The following TMEM239 variants were observed in gnomAD, a reference collection of about 807,000 sequenced individuals.
TMEM239 encodes the protein transmembrane protein 239.
Under a neutral mutation model 14.6 loss-of-function variants are expected in TMEM239, and 10 were observed. The observed-to-expected ratio is 0.68, with a 90% CI of 0.42 to 1.16. The LOEUF (loss-of-function observed/expected upper bound fraction) is 1.16, where lower values mean the gene tolerates loss of function less well. Ranked by LOEUF, TMEM239 falls within the 50% of genes most tolerant of loss-of-function variation. TMEM239 has a pLI of 0.00. For missense variants in TMEM239, 183 were observed against 194.4 expected (o/e 0.94, Z 0.35); for synonymous variants, 94 against 89.9 (o/e 1.05, Z -0.26).
At position 2,816,594 on chromosome 20, in the gene TMEM239, G is replaced by A. The variant is rs2088675210; in HGVS notation, c.40G>A (p.Ala14Thr). Reference sequence around the variant, plus strand: ...GCGAGTGGAGACAGATACCATCGGGGCTGGCGAGGGGCCACAGCAGGCAGT... The same window carrying A: ...GCGAGTGGAGACAGATACCATCGGGACTGGCGAGGGGCCACAGCAGGCAGT... Reference protein sequence around the residue: ...QPRVETDTIGAGEGPQQAVPW... With the variant: ...QPRVETDTIGTGEGPQQAVPW... Residue 14 changes from alanine to threonine, a missense_variant, in exon 2 of 2, where the codon GCT becomes ACT. By Grantham distance (58) the Ala-to-Thr change is moderately conservative. Transcript: ENST00000380585. The A allele has an allele frequency of 6.5e-7, 1 of 1,537,098 alleles. No individual in the cohort carries two copies. The highest frequency in any genetic ancestry group is 8.7e-7 in the Non-Finnish European group (1 of 1,146,804).
upstream of TMEM239, chr20:2,816,351 G>A: frequency 6.5e-7 from 1 of 1,535,940 alleles, no homozygotes; most frequent in Non-Finnish European, 8.7e-7. Context: ...GTGGGGACTT[G>A]GATCTGCCTG....
upstream of TMEM239, chr20:2,816,259 A>G: frequency 2.2e-6 from 3 of 1,359,728 alleles, no homozygotes; most frequent in Non-Finnish European, 3.0e-6. Flanking sequence ...CTCACACCCT[A>G]CAGTGACTCC....
At chr20:2,816,464 C>T in intron 1 of TMEM239, 49 bp downstream of exon 1, 1 of 1,530,418 alleles carries the variant, frequency 6.5e-7, no homozygotes, top group Non-Finnish European at 8.7e-7. Flanking sequence ...CACACTGGTG[C>T]CCTCCTGACC....
In TMEM239 at chr20:2,817,810, GT is replaced by G. The variant is rs1184627082; in HGVS notation, c.*798del. The G allele has an allele frequency of 6.6e-6, 1 of 152,236 alleles. No homozygotes were observed. The highest frequency in any genetic ancestry group is 2.4e-5 in the African/African-American group (1 of 41,458). 9.4% of individuals were successfully genotyped at this position (152,236 alleles called of 1,614,324 possible). A position where few individuals can be genotyped will look rare whatever the true frequency, so the allele number is the denominator to read the frequency against. On this transcript the variant is annotated 3_prime_UTR_variant, in exon 2 of 2. Transcript: ENST00000380585. ...CACTTCTGTCATGGGGTTGTTGTGA[GT>G]CAAAGACAATATCTATTTGTGAAGC...
At chr20:2,816,494 C>CT in intron 1 of TMEM239, 50 bp from the exon 2 acceptor site, 1 of 1,229,454 alleles carries the variant, frequency 8.1e-7, no homozygotes, top group South Asian at 1.5e-5. Context: ...CCTCTCTGCC[C>CT]CCCCCCCCCA....
At position 2,816,953 on chromosome 20, in the gene TMEM239, C is replaced by G; in HGVS notation, c.399C>G (p.Ser133Arg). 2 of 1,538,406 alleles carry G rather than the reference C, an allele frequency of 1.3e-6. No individual in the cohort carries two copies. The highest frequency in any genetic ancestry group is 1.7e-6 in the Non-Finnish European group (2 of 1,147,054). ...SFLLLFSTLL[S>R]LVGLLTSMTH... ...TGCTGCTCTTCTCCACACTGCTGAG[C>G]CTTGTGGGCCTCCTCACCTCCATGA... is the stretch of plus-strand genomic sequence containing the variant. Residue 133 changes from serine (S) to arginine (R), a missense_variant, in exon 2 of 2, where the codon AGC (serine) becomes AGG (arginine). Coordinates refer to ENST00000380585, the MANE Select transcript of TMEM239 (RefSeq NM_001167670.3).
chr20:2,819,467 C>T (rs897278708), downstream of TMEM239: 1 of 152,274 alleles, frequency 6.6e-6, no homozygotes, highest in Non-Finnish European at 1.5e-5. Flanking sequence ...TCCATAAGGG[C>T]CTTGCCCCTC....
chr20:2,815,953 G>A (rs992594707), upstream of TMEM239: 2 of 646,368 alleles, frequency 3.1e-6, no homozygotes, highest in Admixed American at 5.7e-5. Flanking sequence ...TGGGCAGCAA[G>A]AGAAGGTAGG....
chr20:2,816,205 C>G, upstream of TMEM239: 1 of 747,330 alleles, frequency 1.3e-6, no homozygotes, highest in Admixed American at 2.7e-5. Flanking sequence ...CTCCGAGGCT[C>G]CCCTGCCAGC....
In TMEM239 at chr20:2,817,190, G is replaced by A. The variant is rs6115685; in HGVS notation, c.*177G>A. 2.3e-5 allele frequency: 18 copies of A among 789,880 alleles called. No individual in the cohort carries two copies. The highest frequency in any genetic ancestry group is 3.3e-5 in the Non-Finnish European group (17 of 508,640). The allele number at this position is 789,880 out of a possible 1,614,324, so 48.9% of individuals were successfully genotyped here. On this transcript the variant is annotated 3_prime_UTR_variant, in exon 2 of 2. Coordinates refer to ENST00000380585, the MANE Select transcript of TMEM239 (RefSeq NM_001167670.3). ...ACTCCTTCCTCAAGTCAATGCTGCAGGTTCCTGGTGTGAGGGGCTGGGGGC... is the reference window on the plus strand; with the variant it reads ...ACTCCTTCCTCAAGTCAATGCTGCAAGTTCCTGGTGTGAGGGGCTGGGGGC...
In TMEM239 at chr20:2,817,791, T is replaced by C. The variant is rs958529874; in HGVS notation, c.*778T>C. 1 of 152,330 alleles carries C rather than the reference T, an allele frequency of 6.6e-6. No individual in the cohort carries two copies. Among genetic ancestry groups the C allele is most frequent in the Non-Finnish European group, 1.5e-5 (1 of 68,108 alleles). The allele number at this position is 152,330 out of a possible 1,614,324, so 9.4% of individuals were successfully genotyped here. A position where few individuals can be genotyped will look rare whatever the true frequency, so the allele number is the denominator to read the frequency against. ...GCCTCAATGTTACGTGGGCCACTTC[T>C]GTCATGGGGTTGTTGTGAGTCAAAG... On this transcript the variant is annotated 3_prime_UTR_variant, in exon 2 of 2. Transcript: ENST00000380585.
chr20:2,819,320 T>C (rs576659989), downstream of TMEM239: 5 of 152,366 alleles, frequency 3.3e-5, no homozygotes, highest in Admixed American at 3.3e-4. Context: ...CCACAGACTA[T>C]ATACCTTTTA....
At chr20:2,815,976 G>A, upstream of TMEM239, 1 of 619,206 alleles carries the variant, frequency 1.6e-6, no homozygotes, top group Non-Finnish European at 2.8e-6. Context: ...ACTAGCCAGG[G>A]AGCCCAAGGA....
chr20:2,819,127 G>A (rs1384506950), downstream of TMEM239: 1 of 152,408 alleles, frequency 6.6e-6, no homozygotes, highest in African/African-American at 2.4e-5. Flanking sequence ...CATGTGGTGA[G>A]GGCAGAGACC....
Position 2,816,374 on chromosome 20 carries a change from G to T in TMEM239, c.-53G>T. 1.3e-6 allele frequency: 2 copies of T among 1,535,940 alleles called. No homozygotes were observed. The highest frequency in any genetic ancestry group is 1.4e-5 in the African/African-American group (1 of 73,090). On this transcript the variant is annotated 5_prime_UTR_variant, in exon 1 of 2. Coordinates refer to ENST00000380585, the MANE Select transcript of TMEM239 (RefSeq NM_001167670.3). ...TTGGATCTGCCTGCCAGGCCGTCCT[G>T]GGCGCTGCAGGAAGCAACATGACTT... is the stretch of plus-strand genomic sequence containing the variant.
chr20:2,815,840 C>CTT (rs2088662870), upstream of TMEM239: 1 of 1,331,352 alleles, frequency 7.5e-7, no homozygotes. Context: ...ATCAGGCCCC[C>CTT]TTTTCTCCTT....
Position 2,816,371 on chromosome 20 carries a change from C to G in TMEM239, c.-56C>G, listed in dbSNP as rs562792223. The G allele has an allele frequency of 9.8e-6, 15 of 1,535,922 alleles. No individual in the cohort carries two copies. The African/African-American group carries it at 1.5e-4, about 15-fold the overall frequency. On this transcript the variant is annotated 5_prime_UTR_variant, in exon 1 of 2. Coordinates refer to ENST00000380585, the MANE Select transcript of TMEM239 (RefSeq NM_001167670.3). ...GACTTGGATCTGCCTGCCAGGCCGT[C>G]CTGGGCGCTGCAGGAAGCAACATGA...
chr20:2,816,529 T>C lies in TMEM239; in HGVS notation c.-11-15T>C. The C allele has an allele frequency of 1.8e-6, 2 of 1,132,346 alleles. No individual in the cohort carries two copies. Among genetic ancestry groups the C allele is most frequent in the African/African-American group, 1.8e-5 (1 of 54,686 alleles). The allele number at this position is 1,132,346 out of a possible 1,614,324, so 70.1% of individuals were successfully genotyped here. A position where few individuals can be genotyped will look rare whatever the true frequency, so the allele number is the denominator to read the frequency against. On this transcript the variant is annotated splice_polypyrimidine_tract_variant and intron_variant, in intron 1 of 1. Coordinates refer to ENST00000380585, the MANE Select transcript of TMEM239 (RefSeq NM_001167670.3). Reference sequence around the variant, plus strand: ...AAGGTCCCAGGCATCTTCAAGACCCTGGCCCTCTCCCCAGGTGCACCAGAC... The same window carrying C: ...AAGGTCCCAGGCATCTTCAAGACCCCGGCCCTCTCCCCAGGTGCACCAGAC...
chr20:2,816,510 C>T (rs1289099110), intron 1 of TMEM239, 34 bp from the exon 2 acceptor site: 3 of 1,529,924 alleles, frequency 2.0e-6, no homozygotes, highest in Non-Finnish European at 8.7e-7. Context: ...CCCCAAGGTC[C>T]CAGGCATCTT....
Sources: gnomAD v4.1 joint callset for allele counts on GRCh38, gnomAD v4.1.1 for gene constraint, MANE v1.5 for transcripts, NCBI Gene and HGNC (gene_info 2026-07-23, HGNC 2026-07-21) for gene names.